Variants in CHAT observed in about 807,000 individuals in gnomAD.
The protein encoded by CHAT is acetyl CoA:choline O-acetyltransferase.
CHAT carries 61 observed loss-of-function variants against 76.9 expected under a neutral mutation model. That is an observed-to-expected ratio of 0.79 (90% CI 0.65 to 0.98). The LOEUF is 0.98. Ranked by LOEUF, CHAT falls within the 50% of genes least tolerant of loss-of-function variation. The pLI, the probability that CHAT is intolerant of heterozygous loss-of-function variation, is 0.00. For synonymous variants in CHAT, 407 were observed against 397.4 expected (o/e 1.02, Z -0.29); for missense variants, 946 against 986.9 (o/e 0.96, Z 0.56).
intron 9 of CHAT, 63 bp from the exon 10 acceptor site, chr10:49,649,442 AAAG>A: frequency 3.1e-6 from 5 of 1,611,408 alleles, no homozygotes; most frequent in East Asian, 2.2e-5. Flanking sequence ...TGCACAGAGC[AAAG>A]AAGAGATGCC....
intron 7 of CHAT, among the ~76,000 whole-genome samples, chr10:49,644,053 A>G (rs1243644574): frequency 3.3e-5 from 5 of 152,202 alleles, no homozygotes; most frequent in Non-Finnish European, 7.3e-5. Flanking sequence ...TGGCCTGACA[A>G]GAGTGCAATT....
In CHAT at chr10:49,646,530, C is replaced by T. The variant is rs1157666989; in HGVS notation, c.1137C>T (p.Asp379=). ...ACTCCACCAACCGGGACTCGCTGGA[C>T]ATGATTGAGCGCTGCATCTGCCTTG... ...VKDSTNRDSL[D]MIERCICLVC... The change falls in exon 8 of 15, where the codon GAC becomes GAT. Residue 379 remains aspartate (D), a synonymous_variant. Coordinates refer to ENST00000337653, the MANE Select transcript of CHAT (RefSeq NM_020549.5). 2.5e-6 allele frequency: 4 copies of T among 1,614,116 alleles called. No homozygotes were observed. The highest frequency in any genetic ancestry group is 1.7e-5 in the Admixed American group (1 of 60,012).
chr10:49,651,240 C>T (rs866544195), intron 10 of CHAT, among the ~76,000 whole-genome samples: 18 of 151,858 alleles, frequency 1.2e-4, no homozygotes, highest in Middle Eastern at 3.2e-3. Context: ...CTCCAAGTCC[C>T]CCTGTGTTCC....
rs3793795 is a variant in CHAT, at chr10:49,649,560, G to C, written c.1435G>C (p.Ala479Pro). The change falls in exon 10 of 15, where the codon GCC becomes CCC. Residue 479 changes from alanine to proline, a missense_variant. Transcript: ENST00000337653. ...AGCAGACTCCGTCAGCGAGCTCCCC[G>C]CCCCCCGGAGGCTGCGGTGGAAATG... The part of the protein sequence containing the change: ...IRADSVSELP[A>P]PRRLRWKCSP... The C allele has an allele frequency of 4.3e-6, 7 of 1,613,806 alleles. No homozygotes were observed. The South Asian group carries it at 6.6e-5, about 15-fold the overall frequency.
intron 13 of CHAT, among the ~76,000 whole-genome samples, chr10:49,657,003 C>A (rs1428637010): frequency 1.3e-5 from 2 of 152,086 alleles, no homozygotes; most frequent in Non-Finnish European, 2.9e-5. Flanking sequence ...GTAAATACAC[C>A]AGGGCAAAGA....
At chr10:49,637,686 T>C (rs1257584806) in intron 7 of CHAT, 1 of 152,290 alleles carries the variant, frequency 6.6e-6, no homozygotes, top group Admixed American at 6.5e-5. Context: ...ATTCATAAAT[T>C]ACCCAGTCTT....
At chr10:49,622,822 T>A (rs967213196) in intron 5 of CHAT, among the ~76,000 whole-genome samples, 1 of 152,174 alleles carries the variant, frequency 6.6e-6, no homozygotes, top group South Asian at 2.1e-4. Context: ...TCAGAGAGGT[T>A]AAGTAACTCA....
At chr10:49,638,128 A>G (rs1329385823) in intron 7 of CHAT, among the ~76,000 whole-genome samples, 2 of 152,162 alleles carry the variant, frequency 1.3e-5, no homozygotes. Flanking sequence ...TGCTTGGTAT[A>G]GATGCATTTA....
intron 1 of CHAT, chr10:49,616,067 C>T: frequency 6.2e-7 from 1 of 1,613,868 alleles, no homozygotes; most frequent in Non-Finnish European, 8.5e-7. Flanking sequence ...GGCCGGAATG[C>T]AGAGATGAAG....
In CHAT at chr10:49,614,451, G is replaced by T; in HGVS notation, c.262G>T (p.Glu88Ter). 2 of 1,547,594 alleles carry T rather than the reference G, an allele frequency of 1.3e-6. No homozygotes were observed. The highest frequency in any genetic ancestry group is 1.7e-6 in the Non-Finnish European group (2 of 1,147,020). ...TGAGTGGTGCGGTGCAGCGTCGGCC[G>T]AGGCAGCAGAGCCGAGGAGAGCAGG... ...TPEWCGAASA[E>*]AAEPRRAGPH... is the part of the protein sequence containing the mutation. The change falls in exon 1 of 15, where the codon GAG (glutamate) becomes TAG (stop). Residue 88 changes from glutamate to a stop codon, truncating the protein, a stop_gained. Transcript: ENST00000337653. LOFTEE classifies it high-confidence loss of function.
Position 49,651,899 on chromosome 10 carries a change from T to A in CHAT, c.1527T>A (p.Leu509=). The change falls in exon 11 of 15, where the codon CTT becomes CTA. Residue 509 remains leucine (L), a synonymous_variant. Transcript: ENST00000337653. ...AEKLQRIVKN[L]DFIVYKFDNY... ...TCTTCCTCAGAATAGTAAAGAACCT[T>A]GACTTCATTGTCTATAAGTTTGACA... is the stretch of plus-strand genomic sequence containing the variant. 1 of 1,614,062 alleles carries A rather than the reference T, an allele frequency of 6.2e-7. No individual in the cohort carries two copies. The highest frequency in any genetic ancestry group is 8.5e-7 in the Non-Finnish European group (1 of 1,179,910).
chr10:49,610,852 A>G (rs1838273857), upstream of CHAT: 1 of 1,612,282 alleles, frequency 6.2e-7, no homozygotes, highest in African/African-American at 1.3e-5. Context: ...GGTGCTTGTT[A>G]TCGTGTGCGT....
At position 49,664,919 on chromosome 10, in the gene CHAT, T is replaced by G. The variant is rs898703797; in HGVS notation, c.2120T>G (p.Phe707Cys). 1.1e-5 allele frequency: 17 copies of G among 1,614,120 alleles called. No homozygotes were observed. The highest frequency in any genetic ancestry group is 1.4e-5 in the Non-Finnish European group (17 of 1,180,042). Reference protein sequence around the residue: ...HSCKETSSSKFAKAVEESLID... With the variant: ...HSCKETSSSKCAKAVEESLID... ...TGCAAAGAGACTTCTTCTAGCAAGT[T>G]TGCAAAAGCTGTGGAAGAAAGCCTC... Residue 707 changes from phenylalanine (F) to cysteine (C), a missense_variant, in exon 15 of 15, where the codon TTT (phenylalanine) becomes TGT (cysteine). Physicochemically the swap from Phe to Cys is radical, Grantham distance 205. Around this residue, in one of 3 missense-constraint regions of CHAT, gnomAD observed 349 missense variants for 393.9 expected, o/e 0.89. Coordinates refer to ENST00000337653, the MANE Select transcript of CHAT (RefSeq NM_020549.5).
At chr10:49,631,875 G>A (rs1839134422) in intron 7 of CHAT, among the ~76,000 whole-genome samples, 1 of 152,032 alleles carries the variant, frequency 6.6e-6, no homozygotes, top group African/African-American at 2.4e-5. Context: ...AGTAGCATGG[G>A]GGAAGCAGGT....
At chr10:49,651,603 C>T (rs1839880568) in intron 10 of CHAT, 2 of 444,700 alleles carry the variant, frequency 4.5e-6, no homozygotes, top group Non-Finnish European at 4.2e-6. Context: ...CTCACTAACA[C>T]AGCCAGGCCC....
Position 49,665,316 on chromosome 10 carries a change from G to A in CHAT, c.*270G>A, listed in dbSNP as rs1020503140. On this transcript the variant is annotated 3_prime_UTR_variant, in exon 15 of 15. Transcript: ENST00000337653. ...CTCAGAGGCAGCCTGGATGCACTGG[G>A]GAACCACACTAAGGACTCCTTCTGT... Among the ~76,000 whole-genome samples the A allele has an allele frequency of 1.3e-5, 2 of 152,140 alleles. No homozygotes were observed. The highest frequency in any genetic ancestry group is 1.5e-5 in the Non-Finnish European group (1 of 68,026).
chr10:49,650,548 A>G (rs1206993597), intron 10 of CHAT, among the ~76,000 whole-genome samples: 1 of 152,160 alleles, frequency 6.6e-6, no homozygotes, highest in East Asian at 1.9e-4. Context: ...GTTCATAATG[A>G]TGAAGGCTGG....
chr10:49,620,433 C>G, intron 3 of CHAT, 62 bp from the exon 4 acceptor site: 1 of 1,098,826 alleles, frequency 9.1e-7, no homozygotes, highest in Non-Finnish European at 1.4e-6. Flanking sequence ...GATTTTCTCT[C>G]GGGGCTGTCA....
intron 7 of CHAT, among the ~76,000 whole-genome samples, chr10:49,645,948 C>A (rs1445125524): frequency 6.6e-6 from 1 of 152,188 alleles, no homozygotes; most frequent in Non-Finnish European, 1.5e-5. Context: ...TGCCTCTGAA[C>A]CAACAGCTTG....
Sources: gnomAD v4.1 joint callset for allele counts (sites outside exome capture counted in the v4.1 genomes callset) on GRCh38, gnomAD v4.1.1 for gene constraint, gnomAD v4.1.1 regional missense constraint, MANE v1.5 for transcripts, NCBI Gene and HGNC (gene_info 2026-07-23, HGNC 2026-07-21) for gene names.